Variants in NRG3 observed in about 807,000 individuals in gnomAD.
NRG3 encodes the protein neuregulin 3, also known as pro-neuregulin-3, membrane-bound isoform.
A neutral mutation model predicts 66.9 loss-of-function variants in NRG3; 31 were observed. That is an observed-to-expected ratio of 0.46 (90% CI 0.35 to 0.63). NRG3 has a LOEUF of 0.63. Ranked by LOEUF, NRG3 falls within the 20% of genes least tolerant of loss-of-function variation. NRG3 has a pLI of 0.00. For missense variants in NRG3, 910 were observed against 878.9 expected, an observed-to-expected ratio of 1.04 and a Z score of -0.45; for synonymous variants, 393 against 359.4, an observed-to-expected ratio of 1.09 and a Z score of -1.06.
At chr10:81,877,122 G>A (rs946322229) in intron 1 of NRG3, among the ~76,000 whole-genome samples, 2 of 152,206 alleles carry the variant, frequency 1.3e-5, no homozygotes, top group Non-Finnish European at 2.9e-5. Flanking sequence ...GGCTCAGTAT[G>A]AGCCAGTATA....
chr10:82,643,920 ACACG>A (rs2050762086), intron 2 of NRG3, among the ~76,000 whole-genome samples: 2 of 140,180 alleles, frequency 1.4e-5, no homozygotes, highest in South Asian at 2.3e-4. Context: ...ACACACACAC[ACACG>A]AGAATTTCCC....
rs146970562 is a variant in NRG3, at chr10:82,950,803, T to A, written c.1055-666T>A. On this transcript the variant is annotated intron_variant, in intron 4 of 8. Coordinates refer to ENST00000372141, the MANE Select transcript of NRG3 (RefSeq NM_001010848.4). ...TTAAGAAAGGACCTAGGAGTATAAA[T>A]GGTAGTGGCTACAGAGTGAAATGTT... is the stretch of plus-strand genomic sequence containing the variant. 9.4e-3 allele frequency among the ~76,000 whole-genome samples: 1,436 copies of A among 152,316 alleles called. 16 individuals carry two copies. Among genetic ancestry groups the A allele is most frequent in the African/African-American group, 0.032 (1,327 of 41,568 alleles).
intron 2 of NRG3, among the ~76,000 whole-genome samples, chr10:82,654,492 G>C (rs894950303): frequency 6.6e-6 from 1 of 152,128 alleles, no homozygotes; most frequent in Admixed American, 6.5e-5. Context: ...CAGACACACA[G>C]AAATGCTTAA....
chr10:82,188,578 T>G (rs986804403), intron 1 of NRG3, among the ~76,000 whole-genome samples: 3 of 151,904 alleles, frequency 2.0e-5, no homozygotes, highest in African/African-American at 7.3e-5. Flanking sequence ...AACCAGAATA[T>G]ATAAGGAGCT....
intron 1 of NRG3, among the ~76,000 whole-genome samples, chr10:82,047,938 G>A (rs1362211016): frequency 1.3e-5 from 2 of 151,834 alleles, no homozygotes; most frequent in Non-Finnish European, 2.9e-5. Flanking sequence ...AAAAAGGCAG[G>A]GGTTGCAATC....
intron 2 of NRG3, among the ~76,000 whole-genome samples, chr10:82,374,967 A>G (rs1447332351): frequency 1.3e-5 from 2 of 152,158 alleles, no homozygotes; most frequent in African/African-American, 4.8e-5. Context: ...ACACAACTTC[A>G]TCCCATGCCC....
chr10:82,089,877 A>G (rs2065931234), intron 1 of NRG3, among the ~76,000 whole-genome samples: 1 of 152,138 alleles, frequency 6.6e-6, no homozygotes, highest in Non-Finnish European at 1.5e-5. Flanking sequence ...TACACTTATG[A>G]AATTGGTCTA....
chr10:82,034,592 C>A (rs924047188), intron 1 of NRG3, among the ~76,000 whole-genome samples: 2 of 152,064 alleles, frequency 1.3e-5, no homozygotes, highest in African/African-American at 4.8e-5. Flanking sequence ...GTAAGGCAGA[C>A]AATGAATGCA....
intron 1 of NRG3, among the ~76,000 whole-genome samples, chr10:82,289,745 A>G (rs2079617461): frequency 6.6e-6 from 1 of 152,322 alleles, no homozygotes; most frequent in Non-Finnish European, 1.5e-5. Context: ...TCAATATAAC[A>G]TTTTTAACAA....
At chr10:81,915,873 T>A (rs1845659795) in intron 1 of NRG3, among the ~76,000 whole-genome samples, 1 of 152,176 alleles carries the variant, frequency 6.6e-6, no homozygotes. Context: ...AAATGCTTAC[T>A]TATTCCTCTG....
chr10:82,134,892 G>A (rs1202190842), intron 1 of NRG3, among the ~76,000 whole-genome samples: 2 of 152,002 alleles, frequency 1.3e-5, no homozygotes, highest in African/African-American at 2.4e-5. Flanking sequence ...GGAGGCTGAG[G>A]CAGGCAGATC....
At chr10:82,778,549 C>T (rs750463110) in intron 3 of NRG3, among the ~76,000 whole-genome samples, 3 of 152,114 alleles carry the variant, frequency 2.0e-5, no homozygotes, top group African/African-American at 7.2e-5. Flanking sequence ...ATGGGGGAAC[C>T]GCCCCTACGA....
At chr10:82,039,775 A>G (rs2132991764) in intron 1 of NRG3, among the ~76,000 whole-genome samples, 1 of 152,156 alleles carries the variant, frequency 6.6e-6, no homozygotes, top group South Asian at 2.1e-4. Context: ...TAAGTTTATC[A>G]TTTCTGCCAG....
chr10:82,809,192 C>T (rs1398624194), intron 3 of NRG3, among the ~76,000 whole-genome samples: 3 of 151,882 alleles, frequency 2.0e-5, no homozygotes. Context: ...TCGCCATTTG[C>T]CAATGATTGT....
intron 2 of NRG3, among the ~76,000 whole-genome samples, chr10:82,607,934 A>G (rs1284291040): frequency 1.3e-5 from 2 of 152,124 alleles, no homozygotes; most frequent in Non-Finnish European, 2.9e-5. Flanking sequence ...ATGAGTTACA[A>G]TGACCAAATA....
At chr10:82,193,452 A>G (rs1331904959) in intron 1 of NRG3, among the ~76,000 whole-genome samples, 1 of 152,088 alleles carries the variant, frequency 6.6e-6, no homozygotes, top group African/African-American at 2.4e-5. Context: ...CTTGATTTCC[A>G]TTTTATAAAA....
intron 7 of NRG3, among the ~76,000 whole-genome samples, chr10:82,976,417 G>A (rs1291779645): frequency 6.6e-6 from 1 of 152,144 alleles, no homozygotes; most frequent in African/African-American, 2.4e-5. Flanking sequence ...AGGGTTTTCA[G>A]TGACAGAGAG....
intron 1 of NRG3, among the ~76,000 whole-genome samples, chr10:82,284,289 C>T (rs891890917): frequency 9.9e-5 from 15 of 152,162 alleles, no homozygotes; most frequent in South Asian, 2.1e-4. Context: ...ATACCGCAGA[C>T]GCCATAAACA....
At chr10:82,045,067 T>C (rs1433627821) in intron 1 of NRG3, among the ~76,000 whole-genome samples, 2 of 150,234 alleles carry the variant, frequency 1.3e-5, no homozygotes, top group African/African-American at 2.5e-5. Flanking sequence ...TTTATAGTCC[T>C]TTGGGTATAT....
Sources: allele counts gnomAD v4.1 joint callset (sites outside exome capture counted in the v4.1 genomes callset), GRCh38; gene constraint gnomAD v4.1.1; transcripts MANE v1.5; gene names NCBI Gene and HGNC (gene_info 2026-07-23, HGNC 2026-07-21).